Variants in CPHXL2 observed in about 807,000 individuals in gnomAD.
CPHXL2 encodes the protein cytoplasmic polyadenylated homeobox like 2.
the CPHXL2 span, among the ~76,000 whole-genome samples, chr16:75,664,530 CAGG>C: frequency 6.9e-6 from 1 of 145,060 alleles, no homozygotes; most frequent in African/African-American, 2.6e-5. Flanking sequence ...GAGGCTAAGG[CAGG>C]AGAATTGCTT....
chr16:75,674,669 ATACT>A, the CPHXL2 span, among the ~76,000 whole-genome samples: 2 of 152,068 alleles, frequency 1.3e-5, no homozygotes, highest in Non-Finnish European at 2.9e-5. Context: ...AGATGGATAC[ATACT>A]TCCTGATTTT....
chr16:75,664,407 C>T, the CPHXL2 span, among the ~76,000 whole-genome samples: 1 of 152,072 alleles, frequency 6.6e-6, no homozygotes, highest in South Asian at 2.1e-4. Flanking sequence ...GGGCAGATCA[C>T]CTGAGGTCGG....
At chr16:75,672,326 A>G in the CPHXL2 span, among the ~76,000 whole-genome samples, 1 of 152,098 alleles carries the variant, frequency 6.6e-6, no homozygotes, top group African/African-American at 2.4e-5. Context: ...TACAATTTCA[A>G]AATAATTTCG....
At chr16:75,670,192 G>C in the CPHXL2 span, among the ~76,000 whole-genome samples, 1 of 152,156 alleles carries the variant, frequency 6.6e-6, no homozygotes, top group African/African-American at 2.4e-5. Flanking sequence ...GGGATTACAG[G>C]GGTGAGCCAC....
the CPHXL2 span, among the ~76,000 whole-genome samples, chr16:75,661,872 A>T: frequency 6.6e-6 from 1 of 152,180 alleles, no homozygotes; most frequent in East Asian, 1.9e-4. Context: ...CAGTCACAGA[A>T]AGACTACTGT....
chr16:75,671,180 C>T, the CPHXL2 span, among the ~76,000 whole-genome samples: 1 of 151,174 alleles, frequency 6.6e-6, no homozygotes, highest in Non-Finnish European at 1.5e-5. Context: ...GTCAGGAGTT[C>T]GAGGATAGCC....
At chr16:75,672,009 C>T in the CPHXL2 span, among the ~76,000 whole-genome samples, 2 of 151,900 alleles carry the variant, frequency 1.3e-5, no homozygotes, top group Non-Finnish European at 2.9e-5. Flanking sequence ...CGATGGCTCA[C>T]ACCTGTAATC....
the CPHXL2 span, among the ~76,000 whole-genome samples, chr16:75,673,118 AC>A: frequency 9.3e-5 from 14 of 149,778 alleles, no homozygotes; most frequent in African/African-American, 3.2e-4. Flanking sequence ...GAAAAAGGGA[AC>A]CTTGTGACCT....
At chr16:75,666,860 A>T in the CPHXL2 span, among the ~76,000 whole-genome samples, 1 of 152,174 alleles carries the variant, frequency 6.6e-6, no homozygotes, top group African/African-American at 2.4e-5. Context: ...ATTTAAGAAA[A>T]CTGAAATTAT....
At chr16:75,663,527 G>T in the CPHXL2 span, among the ~76,000 whole-genome samples, 1 of 152,174 alleles carries the variant, frequency 6.6e-6, no homozygotes, top group Non-Finnish European at 1.5e-5. Flanking sequence ...AGCCACACCT[G>T]CCTCATTATA....
chr16:75,666,601 T>C, the CPHXL2 span, among the ~76,000 whole-genome samples: 1 of 110,494 alleles, frequency 9.1e-6, no homozygotes, highest in African/African-American at 3.9e-5. Context: ...AGAGTGAAAC[T>C]CTATCTCAAA....
chr16:75,661,746 T>C, the CPHXL2 span, among the ~76,000 whole-genome samples: 1 of 152,172 alleles, frequency 6.6e-6, no homozygotes, highest in African/African-American at 2.4e-5. Flanking sequence ...ATACATTGGG[T>C]TCAAGTTTCA....
the CPHXL2 span, among the ~76,000 whole-genome samples, chr16:75,667,198 G>C: frequency 6.6e-6 from 1 of 151,682 alleles, no homozygotes; most frequent in Non-Finnish European, 1.5e-5. Flanking sequence ...TGTAGTCACA[G>C]TTAGTCAGGA....
At chr16:75,673,312 G>A in the CPHXL2 span, among the ~76,000 whole-genome samples, 1 of 151,896 alleles carries the variant, frequency 6.6e-6, no homozygotes, top group Non-Finnish European at 1.5e-5. Flanking sequence ...GCACATGCCT[G>A]TGGTCCCAGC....
chr16:75,673,110 A>G, the CPHXL2 span, among the ~76,000 whole-genome samples: 2 of 151,290 alleles, frequency 1.3e-5, no homozygotes, highest in African/African-American at 4.9e-5. Flanking sequence ...AAAAAAAAGA[A>G]AAAGGGAACC....
At chr16:75,676,097 A>C in the CPHXL2 span, among the ~76,000 whole-genome samples, 1 of 152,062 alleles carries the variant, frequency 6.6e-6, no homozygotes, top group Admixed American at 6.6e-5. Context: ...AAAAAGAAAA[A>C]TACAAAACAC....
At chr16:75,666,200 T>A in the CPHXL2 span, among the ~76,000 whole-genome samples, 3 of 152,168 alleles carry the variant, frequency 2.0e-5, no homozygotes, top group African/African-American at 7.2e-5. Context: ...CATTATATAA[T>A]GGTAAAAGGC....
the CPHXL2 span, among the ~76,000 whole-genome samples, chr16:75,676,823 A>C: frequency 6.6e-6 from 1 of 152,206 alleles, no homozygotes; most frequent in African/African-American, 2.4e-5. Flanking sequence ...AGTCCTATCT[A>C]AAAGCTGCAG....
At chr16:75,668,222 TAC>T in the CPHXL2 span, among the ~76,000 whole-genome samples, 4 of 129,160 alleles carry the variant, frequency 3.1e-5, no homozygotes, top group African/African-American at 1.5e-4. Flanking sequence ...TCTATATATA[TAC>T]ATATATATTT....
Sources: gnomAD v4.1 joint callset for allele counts (sites outside exome capture counted in the v4.1 genomes callset) on GRCh38, gnomAD v4.1.1 for gene constraint, MANE v1.5 for transcripts, NCBI Gene and HGNC (gene_info 2026-07-23, HGNC 2026-07-21) for gene names.